GALNTL6: variants seen among roughly 807,000 people sequenced by gnomAD.
GALNTL6 encodes the protein polypeptide N-acetylgalactosaminyltransferase like 6.
In GALNTL6, 46 loss-of-function variants were observed where a neutral mutation model predicts 73.7. The ratio of observed to expected loss-of-function variants is 0.62; its 90% CI spans 0.49 to 0.80. The LOEUF (loss-of-function observed/expected upper bound fraction) is 0.80. Ranked by LOEUF, GALNTL6 falls within the 30% of genes least tolerant of loss-of-function variation. GALNTL6 has a pLI of 0.00. For missense variants in GALNTL6, 604 were observed against 755.0 expected, an observed-to-expected ratio of 0.80 and a Z score of 2.34; for synonymous variants, 259 against 263.7, an observed-to-expected ratio of 0.98 and a Z score of 0.17.
At chr4:172,627,718 G>T (rs765807618) in intron 5 of GALNTL6, among the ~76,000 whole-genome samples, 2 of 151,694 alleles carry the variant, frequency 1.3e-5, no homozygotes, top group Non-Finnish European at 2.9e-5. Flanking sequence ...GTTTCTTCCT[G>T]TTTCAATCTT....
At chr4:172,082,748 C>CA (rs1191708875) in intron 2 of GALNTL6, among the ~76,000 whole-genome samples, 2 of 152,094 alleles carry the variant, frequency 1.3e-5, no homozygotes, top group Non-Finnish European at 2.9e-5. Flanking sequence ...TAGCAAGAAT[C>CA]ACGTCAGCAG....
intron 10 of GALNTL6, among the ~76,000 whole-genome samples, chr4:172,989,281 T>A (rs1041281222): frequency 6.6e-6 from 1 of 152,222 alleles, no homozygotes; most frequent in African/African-American, 2.4e-5. Flanking sequence ...CCTCATTGTA[T>A]CTTGGACATA....
At chr4:171,888,198 C>T (rs1199713736) in intron 2 of GALNTL6, among the ~76,000 whole-genome samples, 11 of 151,804 alleles carry the variant, frequency 7.2e-5, no homozygotes, top group Admixed American at 2.0e-4. Flanking sequence ...AATTTAATAA[C>T]TTTTCCCCCT....
intron 5 of GALNTL6, among the ~76,000 whole-genome samples, chr4:172,424,682 CT>C (rs1013738445): frequency 1.3e-5 from 2 of 151,944 alleles, no homozygotes; most frequent in African/African-American, 4.8e-5. Context: ...CACGGTTGCC[CT>C]GATATCAATA....
rs556247677 is a variant in GALNTL6, at chr4:172,596,633, ACT to A, written c.554-212723_554-212722del. ...TCCTGTGTAGTTAACAGAAAACAAC[ACT>A]CTCTTTACAAACACTCTGTTTCTCT... On this transcript the variant is annotated intron_variant, in intron 5 of 12. Transcript: ENST00000506823. Among the ~76,000 whole-genome samples, 103 of 152,226 alleles carry A rather than the reference ACT, an allele frequency of 6.8e-4. 1 individual carries two copies. The highest frequency in any genetic ancestry group is 2.4e-3 in the African/African-American group (100 of 41,542).
At chr4:171,870,423 T>C (rs1383947978) in intron 2 of GALNTL6, among the ~76,000 whole-genome samples, 1 of 152,210 alleles carries the variant, frequency 6.6e-6, no homozygotes, top group Non-Finnish European at 1.5e-5. Context: ...ACTGCATTTA[T>C]TTACGTAGGA....
chr4:172,107,707 A>C, intron 2 of GALNTL6, among the ~76,000 whole-genome samples: 1 of 150,132 alleles, frequency 6.7e-6, no homozygotes, highest in African/African-American at 2.4e-5. Flanking sequence ...GGATAGCATT[A>C]GGAGATATAC....
At chr4:171,877,110 C>G (rs1391961972) in intron 2 of GALNTL6, among the ~76,000 whole-genome samples, 3 of 152,130 alleles carry the variant, frequency 2.0e-5, no homozygotes, top group Non-Finnish European at 4.4e-5. Flanking sequence ...TGTTTCTCCA[C>G]TTTCAAAATT....
At chr4:172,984,513 G>A (rs1751210967) in intron 10 of GALNTL6, among the ~76,000 whole-genome samples, 1 of 152,194 alleles carries the variant, frequency 6.6e-6, no homozygotes, top group Non-Finnish European at 1.5e-5. Flanking sequence ...GGAGCACAGA[G>A]CCAAACCATA....
rs139828620 is a variant in GALNTL6 at position 172,464,724 on chromosome 4, A to G, written c.553+116035A>G. On this transcript the variant is annotated intron_variant, in intron 5 of 12. Transcript: ENST00000506823. ...ACTCTGTCTCAAAAATAATAATAATAATAATAATAATTTCAAGCTGAATGA... is the reference window on the plus strand; with the variant it reads ...ACTCTGTCTCAAAAATAATAATAATGATAATAATAATTTCAAGCTGAATGA... 3.2e-3 allele frequency among the ~76,000 whole-genome samples: 483 copies of G among 151,846 alleles called. 9 individuals are homozygous for G. The highest frequency in any genetic ancestry group is 0.012 in the Admixed American group (188 of 15,228).
chr4:172,946,931 T>A lies in GALNTL6; in HGVS notation c.1150-5106T>A, dbSNP rs28698052. Among the ~76,000 whole-genome samples, 1,007 of 151,858 alleles carry A rather than the reference T, an allele frequency of 6.6e-3. 7 individuals are homozygous for A. Among genetic ancestry groups the A allele is most frequent in the African/African-American group, 0.023 (936 of 41,406 alleles). The stretch of plus-strand genomic sequence containing the variant: ...AAGGACAAACAATGAGAAAGATGAA[T>A]TGCCGGGCACGAAAAGGGAGAAGAA... On this transcript the variant is annotated intron_variant, in intron 9 of 12. Transcript: ENST00000506823.
intron 5 of GALNTL6, among the ~76,000 whole-genome samples, chr4:172,593,016 T>C (rs1428318757): frequency 1.3e-5 from 2 of 152,120 alleles, no homozygotes; most frequent in East Asian, 1.9e-4. Flanking sequence ...ATAATACTCA[T>C]TAAGTGCTTC....
At chr4:172,438,296 A>G (rs1026496356) in intron 5 of GALNTL6, among the ~76,000 whole-genome samples, 2 of 152,072 alleles carry the variant, frequency 1.3e-5, no homozygotes, top group African/African-American at 4.8e-5. Context: ...TCATGCTTTC[A>G]GTATAGATCT....
intron 2 of GALNTL6, among the ~76,000 whole-genome samples, chr4:171,818,387 A>G (rs1400146601): frequency 6.6e-6 from 1 of 151,906 alleles, no homozygotes; most frequent in Non-Finnish European, 1.5e-5. Flanking sequence ...AGTAACTGTA[A>G]TAGTAGTTTA....
At chr4:172,477,063 A>G (rs1733264295) in intron 5 of GALNTL6, among the ~76,000 whole-genome samples, 1 of 151,124 alleles carries the variant, frequency 6.6e-6, no homozygotes, top group African/African-American at 2.4e-5. Context: ...CTGGGACTAC[A>G]GGCGCCCGCC....
chr4:171,842,973 T>C (rs1735276116), intron 2 of GALNTL6, among the ~76,000 whole-genome samples: 1 of 152,186 alleles, frequency 6.6e-6, no homozygotes, highest in African/African-American at 2.4e-5. Context: ...GCAATTATAT[T>C]TCCAATTTTA....
At chr4:172,120,674 G>A (rs1733123830) in intron 2 of GALNTL6, among the ~76,000 whole-genome samples, 1 of 152,026 alleles carries the variant, frequency 6.6e-6, no homozygotes. Context: ...GTCGGGGGGT[G>A]GGGTGGGGAA....
At chr4:172,941,233 C>T (rs2610192) in intron 9 of GALNTL6, among the ~76,000 whole-genome samples, 2,949 of 152,270 alleles carry the variant, frequency 0.019, 97 homozygotes, top group African/African-American at 0.068. Context: ...CAATATTAAG[C>T]ATTTCTTGAG....
At chr4:172,548,700 A>G (rs965053554) in intron 5 of GALNTL6, among the ~76,000 whole-genome samples, 1 of 152,220 alleles carries the variant, frequency 6.6e-6, no homozygotes, top group Admixed American at 6.5e-5. Flanking sequence ...CAGTAGAACA[A>G]ATGTAAAGAG....
Sources: gnomAD v4.1 joint callset for allele counts (sites outside exome capture counted in the v4.1 genomes callset) on GRCh38, gnomAD v4.1.1 for gene constraint, MANE v1.5 for transcripts, NCBI Gene and HGNC (gene_info 2026-07-23, HGNC 2026-07-21) for gene names.